Variants in EIF3A observed in about 807,000 individuals in gnomAD.
EIF3A encodes EIF3, p180 subunit.
Under a neutral mutation model 186.6 loss-of-function variants are expected in EIF3A, and 21 were observed. That is an observed-to-expected ratio of 0.11 (90% confidence interval 0.08 to 0.16). The LOEUF is 0.16. Among genes scored for constraint, EIF3A ranks in the 10% least tolerant of loss-of-function variants. EIF3A has a pLI of 1.00. For missense variants in EIF3A, 1,306 were observed against 1,796.3 expected (o/e 0.73, Z 4.93); for synonymous variants, 563 against 584.3 (o/e 0.96, Z 0.52).
At chr10:119,074,414 G>A (rs957911667) in intron 1 of EIF3A, among the ~76,000 whole-genome samples, 8 of 151,956 alleles carry the variant, frequency 5.3e-5, no homozygotes, top group Non-Finnish European at 7.4e-5. Context: ...GCAGTGAGCC[G>A]AGATCGCACC....
rs1021196962 is a variant in EIF3A at position 119,080,393 on chromosome 10, G to A, written c.49+235C>T. On this transcript the variant is annotated intron_variant, in intron 1 of 21. Coordinates refer to ENST00000369144, the MANE Select transcript of EIF3A (RefSeq NM_003750.4). Reference sequence around the variant, plus strand: ...CCCGCGACGCACCCGGAGGCGGCAGGGGGAAGGAAAGGCCCCTGGGGCGAC... The same window carrying A: ...CCCGCGACGCACCCGGAGGCGGCAGAGGGAAGGAAAGGCCCCTGGGGCGAC... The A allele has an allele frequency of 4.1e-6, 4 of 985,340 alleles. No individual in the cohort carries two copies. In the African/African-American group the frequency reaches 7.0e-5, roughly 17 times the overall value. The allele number at this position is 985,340 out of a possible 1,614,324, so 61.0% of individuals were successfully genotyped here.
intron 1 of EIF3A, among the ~76,000 whole-genome samples, chr10:119,077,184 G>C (rs1589698499): frequency 6.6e-6 from 1 of 152,276 alleles, no homozygotes; most frequent in South Asian, 2.1e-4. Context: ...TGATTCCTTA[G>C]CCAGGCGCGG....
intron 7 of EIF3A, among the ~76,000 whole-genome samples, chr10:119,062,904 T>C (rs914035548): frequency 1.3e-5 from 2 of 151,660 alleles, no homozygotes; most frequent in African/African-American, 4.8e-5. Context: ...TGCACCACAA[T>C]GCCCAGCTAA....
chr10:119,069,398 C>T lies in EIF3A; in HGVS notation c.950+48G>A, dbSNP rs80127249. 5.1e-3 allele frequency: 4,766 copies of T among 931,594 alleles called. 114 individuals are homozygous for T. In the East Asian group the frequency reaches 0.059, roughly 12 times the overall value. The allele number at this position is 931,594 out of a possible 1,614,324, so 57.7% of individuals were successfully genotyped here. On this transcript the variant is annotated intron_variant, in intron 6 of 21. Transcript: ENST00000369144. ...AAAATATACCATGTCATATAATAGA[C>T]GATATTTGTTACAGAATTTCAACAT...
chr10:119,074,984 C>CTTTT (rs113459869), intron 1 of EIF3A, among the ~76,000 whole-genome samples: 8 of 105,222 alleles, frequency 7.6e-5, no homozygotes, highest in Non-Finnish European at 1.0e-4. Flanking sequence ...TATTTTTTTT[C>CTTTT]TTTTTTTTTT....
In EIF3A at chr10:119,037,907, ATTTTTTTT is replaced by A. The variant is rs575308953; in HGVS notation, c.3728+323_3728+330del. On this transcript the variant is annotated intron_variant, in intron 20 of 21. Transcript: ENST00000369144. ...CTCCATTTTCTTACTTTAAGAGGGA[ATTTTTTTT>A]TTTTTTTTTTTTTTTTTTGAGACGG... Among the ~76,000 whole-genome samples, 42 of 93,148 alleles carry A rather than the reference ATTTTTTTT, an allele frequency of 4.5e-4. No homozygotes were observed. The East Asian group carries it at 0.013, about 29-fold the overall frequency. 61.1% of individuals were successfully genotyped at this position (93,148 alleles called of 152,430 possible).
In EIF3A at chr10:119,034,206, G is replaced by C. The variant is rs1378040647; in HGVS notation, c.*1833C>G. 6.0e-6 allele frequency: 1 copy of C among 167,082 alleles called. No homozygotes were observed. The highest frequency in any genetic ancestry group is 2.4e-5 in the African/African-American group (1 of 41,470). 10.3% of individuals were successfully genotyped at this position (167,082 alleles called of 1,614,324 possible). The stretch of plus-strand genomic sequence containing the variant: ...CCAAGAGCAGGATCGCAAAGTAACA[G>C]CATCAGACTCTTCTGCCCTCCTCTT... On this transcript the variant is annotated 3_prime_UTR_variant, in exon 22 of 22. Transcript: ENST00000369144.
chr10:119,062,743 CTTTT>C (rs372690463), intron 7 of EIF3A, among the ~76,000 whole-genome samples: 1 of 91,032 alleles, frequency 1.1e-5, no homozygotes, highest in African/African-American at 4.2e-5. Context: ...AAGAGATCAC[CTTTT>C]TTTTTTTTTT....
chr10:119,072,875 A>C lies in EIF3A; in HGVS notation c.541+15T>G. The C allele has an allele frequency of 6.3e-7, 1 of 1,596,294 alleles. No individual in the cohort carries two copies. Among genetic ancestry groups the C allele is most frequent in the Non-Finnish European group, 8.5e-7 (1 of 1,174,680 alleles). On this transcript the variant is annotated intron_variant, in intron 4 of 21. Transcript: ENST00000369144. Reference sequence around the variant, plus strand: ...TTTCAAAGCACTTCACTCAGATTTGATCTTCTCATCTTACCTTGCTGGGCA... The same window carrying C: ...TTTCAAAGCACTTCACTCAGATTTGCTCTTCTCATCTTACCTTGCTGGGCA...
intron 3 of EIF3A, 81 bp from the exon 4 acceptor site, chr10:119,073,134 C>T: frequency 7.4e-7 from 1 of 1,358,378 alleles, no homozygotes; most frequent in Admixed American, 2.4e-5. Context: ...CAATGTTCAT[C>T]AGAAAACAGT....
intron 14 of EIF3A, among the ~76,000 whole-genome samples, chr10:119,055,976 T>C (rs1843776754): frequency 6.6e-6 from 1 of 151,924 alleles, no homozygotes; most frequent in African/African-American, 2.4e-5. Flanking sequence ...TTCCAACTTT[T>C]CCAGAAAAAA....
chr10:119,074,489 T>A (rs1844126333), intron 1 of EIF3A, among the ~76,000 whole-genome samples: 1 of 151,392 alleles, frequency 6.6e-6, no homozygotes, highest in Non-Finnish European at 1.5e-5. Context: ...ATAAAATAAA[T>A]AATGTGTCGG....
intron 7 of EIF3A, 104 bp downstream of exon 7, chr10:119,065,295 C>A (rs981606048): frequency 5.1e-5 from 44 of 869,216 alleles, no homozygotes; most frequent in Non-Finnish European, 7.2e-5. Flanking sequence ...TACATCAGAA[C>A]CCTTGGCACT....
intron 1 of EIF3A, among the ~76,000 whole-genome samples, chr10:119,077,982 T>C (rs1195694580): frequency 6.6e-6 from 1 of 152,176 alleles, no homozygotes; most frequent in African/African-American, 2.4e-5. Flanking sequence ...AAAATTAAAA[T>C]CTAGAATTAT....
At chr10:119,050,710 C>A (rs373543942) in intron 15 of EIF3A, 36 bp from the exon 16 acceptor site, 1 of 1,611,790 alleles carries the variant, frequency 6.2e-7, no homozygotes, top group Non-Finnish European at 8.5e-7. Context: ...AAAAAGGGCA[C>A]ACTTTGTCAA....
At chr10:119,058,348 C>A (rs1254862843) in intron 11 of EIF3A, 45 bp from the exon 12 acceptor site, 3 of 1,356,894 alleles carry the variant, frequency 2.2e-6, no homozygotes, top group South Asian at 1.4e-5. Context: ...AATTAACATT[C>A]TCTGGTATTA....
chr10:119,056,491 C>T (rs1843785113), intron 14 of EIF3A, among the ~76,000 whole-genome samples: 2 of 152,076 alleles, frequency 1.3e-5, no homozygotes, highest in African/African-American at 4.8e-5. Flanking sequence ...ATACAATTTA[C>T]CCATTTAAAG....
At chr10:119,038,913 A>C (rs1266194111) in intron 19 of EIF3A, among the ~76,000 whole-genome samples, 1 of 152,116 alleles carries the variant, frequency 6.6e-6, no homozygotes, top group Non-Finnish European at 1.5e-5. Flanking sequence ...TGACAGAATG[A>C]GACTGTCTCA....
At chr10:119,067,900 T>C (rs1844006205) in intron 6 of EIF3A, among the ~76,000 whole-genome samples, 1 of 151,968 alleles carries the variant, frequency 6.6e-6, no homozygotes. Flanking sequence ...AAGCTACGCC[T>C]CCCAGGTTCA....
Sources: allele counts gnomAD v4.1 joint callset (sites outside exome capture counted in the v4.1 genomes callset), GRCh38; gene constraint gnomAD v4.1.1; transcripts MANE v1.5; gene names NCBI Gene and HGNC (gene_info 2026-07-23, HGNC 2026-07-21).